Variants in ITGBL1 observed in about 807,000 individuals in gnomAD.
ITGBL1 encodes the protein integrin subunit beta like 1, also known as integrin beta-like protein 1.
A neutral mutation model predicts 68.5 loss-of-function variants in ITGBL1; 51 were observed. The ratio of observed to expected loss-of-function variants is 0.74; its 90% CI spans 0.59 to 0.94. The LOEUF is 0.94. Ranked by LOEUF, ITGBL1 falls within the 40% of genes least tolerant of loss-of-function variation. ITGBL1 has a pLI of 0.00. For missense variants in ITGBL1, 649 were observed against 647.4 expected (o/e 1.00, Z -0.03); for synonymous variants, 209 against 227.3 (o/e 0.92, Z 0.72).
At chr13:101,681,803 T>C (rs2033649605) in intron 7 of ITGBL1, among the ~76,000 whole-genome samples, 1 of 151,980 alleles carries the variant, frequency 6.6e-6, no homozygotes, top group Non-Finnish European at 1.5e-5. Context: ...TGTGTGTGTG[T>C]GGGTGTGCGC....
chr13:101,468,260 G>A (rs771430385), intron 2 of ITGBL1, among the ~76,000 whole-genome samples: 1 of 152,178 alleles, frequency 6.6e-6, no homozygotes, highest in Non-Finnish European at 1.5e-5. Context: ...AAGAAAGAAA[G>A]TATTTGATTT....
chr13:101,593,237 A>G (rs544660571), intron 6 of ITGBL1, among the ~76,000 whole-genome samples: 89 of 130,760 alleles, frequency 6.8e-4, no homozygotes, highest in African/African-American at 2.5e-3. Context: ...CGGTTTTATT[A>G]TAGAATTATA....
chr13:101,550,859 C>T (rs946756001), intron 2 of ITGBL1, among the ~76,000 whole-genome samples: 1 of 152,044 alleles, frequency 6.6e-6, no homozygotes, highest in African/African-American at 2.4e-5. Flanking sequence ...TTCAACTGCT[C>T]ACTGAATGCC....
intron 2 of ITGBL1, among the ~76,000 whole-genome samples, chr13:101,539,977 A>C (rs894100993): frequency 4.6e-5 from 7 of 152,126 alleles, no homozygotes; most frequent in Non-Finnish European, 8.8e-5. Flanking sequence ...AGTAGATTGC[A>C]AAAATTTTCT....
In ITGBL1 at chr13:101,604,887, T is replaced by TACACATACATAC. The variant is rs1555361673; in HGVS notation, c.1015+6593_1015+6594insTACATACACACA. 4.1e-4 allele frequency among the ~76,000 whole-genome samples: 9 copies of TACACATACATAC among 22,164 alleles called. 1 individual carries two copies. The highest frequency in any genetic ancestry group is 9.0e-4 in the African/African-American group (6 of 6,632). The allele number at this position is 22,164 out of a possible 152,430, so 14.5% of individuals were successfully genotyped here. A position where few individuals can be genotyped will look rare whatever the true frequency, so the allele number is the denominator to read the frequency against. On this transcript the variant is annotated intron_variant, in intron 7 of 10. Coordinates refer to ENST00000376180, the MANE Select transcript of ITGBL1 (RefSeq NM_004791.3). ...ATATATATATATATATATATATATA[T>TACACATACATAC]ACACACACACACACATATATATGTG...
downstream of ITGBL1, chr13:101,720,081 ATGT>A (rs1393235016): frequency 5.9e-5 from 9 of 152,252 alleles, no homozygotes; most frequent in East Asian, 1.7e-3. Context: ...TTTATTCAAT[ATGT>A]TGTATTTGTG....
intron 7 of ITGBL1, among the ~76,000 whole-genome samples, chr13:101,665,996 ACCT>A (rs2139489448): frequency 6.6e-6 from 1 of 151,856 alleles, no homozygotes; most frequent in East Asian, 1.9e-4. Context: ...AACTTATATA[ACCT>A]CCTCATTTTA....
intron 8 of ITGBL1, among the ~76,000 whole-genome samples, chr13:101,701,512 A>C (rs572150796): frequency 7.7e-4 from 118 of 152,300 alleles, no homozygotes; most frequent in African/African-American, 2.5e-3. Flanking sequence ...GCCTGGTGAC[A>C]GAGCAAGACT....
chr13:101,718,675 G>A (rs1226323097), downstream of ITGBL1: 1 of 151,600 alleles, frequency 6.6e-6, no homozygotes, highest in Non-Finnish European at 1.5e-5. Flanking sequence ...GGCTCCTTGA[G>A]TTTATCTGGA....
intron 3 of ITGBL1, 75 bp from the exon 4 acceptor site, chr13:101,575,349 G>C (rs2050339188): frequency 1.5e-6 from 2 of 1,351,676 alleles, no homozygotes; most frequent in African/African-American, 2.9e-5. Context: ...TCTCTTGAGA[G>C]AGATGGTATA....
At chr13:101,650,699 G>A (rs898437794) in intron 7 of ITGBL1, among the ~76,000 whole-genome samples, 7 of 149,680 alleles carry the variant, frequency 4.7e-5, no homozygotes, top group African/African-American at 1.5e-4. Flanking sequence ...AGGTAAACAT[G>A]TGCCATGGTG....
At chr13:101,538,862 C>T (rs9557689) in intron 2 of ITGBL1, among the ~76,000 whole-genome samples, 117,900 of 151,778 alleles carry the variant, frequency 0.78, 45,786 homozygotes, top group South Asian at 0.81. Flanking sequence ...AGTTTATAGT[C>T]ATTATTTTAC....
intron 2 of ITGBL1, among the ~76,000 whole-genome samples, chr13:101,544,497 G>T (rs921723333): frequency 1.4e-4 from 21 of 152,202 alleles, no homozygotes; most frequent in African/African-American, 4.1e-4. Context: ...GCTCCTCGGG[G>T]GTCAGGGACC....
chr13:101,624,744 C>T (rs1480005928), intron 7 of ITGBL1, among the ~76,000 whole-genome samples: 1 of 152,152 alleles, frequency 6.6e-6, no homozygotes, highest in African/African-American at 2.4e-5. Context: ...CCACAGATTC[C>T]CTTTGTTGAT....
At chr13:101,648,836 C>T (rs2032650299) in intron 7 of ITGBL1, among the ~76,000 whole-genome samples, 1 of 151,502 alleles carries the variant, frequency 6.6e-6, no homozygotes, top group African/African-American at 2.4e-5. Context: ...TGGTGGGGGA[C>T]AGAAGAGGAA....
At chr13:101,623,423 C>T (rs16959204) in intron 7 of ITGBL1, among the ~76,000 whole-genome samples, 17,645 of 152,112 alleles carry the variant, frequency 0.12, 1,419 homozygotes, top group African/African-American at 0.23. Flanking sequence ...TTTCTTATTC[C>T]TACCCAATTA....
intron 5 of ITGBL1, among the ~76,000 whole-genome samples, chr13:101,580,882 T>A (rs1007925883): frequency 5.9e-5 from 9 of 152,318 alleles, no homozygotes; most frequent in Admixed American, 1.3e-4. Flanking sequence ...CACTTCGCTG[T>A]GCTTGGAGCA....
At chr13:101,623,666 A>T (rs1026810256) in intron 7 of ITGBL1, among the ~76,000 whole-genome samples, 2 of 152,206 alleles carry the variant, frequency 1.3e-5, no homozygotes, top group African/African-American at 4.8e-5. Flanking sequence ...TAGTTCAAAG[A>T]TGTAAAGAAA....
chr13:101,688,267 T>A (rs191628466), intron 7 of ITGBL1, among the ~76,000 whole-genome samples: 17 of 152,184 alleles, frequency 1.1e-4, no homozygotes, highest in Admixed American at 1.1e-3. Flanking sequence ...AGTTTAAACT[T>A]TGCATTCAGT....
Sources: allele counts gnomAD v4.1 joint callset (sites outside exome capture counted in the v4.1 genomes callset), GRCh38; gene constraint gnomAD v4.1.1; transcripts MANE v1.5; gene names NCBI Gene and HGNC (gene_info 2026-07-23, HGNC 2026-07-21).